TYR: variants seen among roughly 807,000 people sequenced by gnomAD.
TYR encodes the protein tyrosinase.
A neutral mutation model predicts 51.5 loss-of-function variants in TYR; 58 were observed. The observed-to-expected ratio is 1.13, with a 90% CI of 0.91 to 1.40. The LOEUF (loss-of-function observed/expected upper bound fraction) is 1.40. TYR is among the 40% of genes most tolerant of loss of function. The pLI is 0.00. For missense variants in TYR, 732 were observed against 647.4 expected, an observed-to-expected ratio of 1.13 and a Z score of -1.42; for synonymous variants, 263 against 235.2, an observed-to-expected ratio of 1.12 and a Z score of -1.08.
chr11:89,236,675 T>C (rs564879999), intron 3 of TYR, among the ~76,000 whole-genome samples: 8 of 152,198 alleles, frequency 5.3e-5, no homozygotes, highest in Non-Finnish European at 1.0e-4. Flanking sequence ...ATCAGACAGG[T>C]CTATTGACTG....
At chr11:89,282,736 A>G (rs1944733754) in intron 3 of TYR, among the ~76,000 whole-genome samples, 1 of 151,786 alleles carries the variant, frequency 6.6e-6, no homozygotes, top group Non-Finnish European at 1.5e-5. Flanking sequence ...ATCTTCTTAA[A>G]TCTTCTAATT....
rs1050399002 is a variant in TYR at position 89,184,803 on chromosome 11, G to A, written c.819+6031G>A. Reference sequence around the variant, plus strand: ...TTGAAGTTGCATCTACCTGTATTACGGAGCCCAATTTTTTCTCTACCACAC... The same window carrying A: ...TTGAAGTTGCATCTACCTGTATTACAGAGCCCAATTTTTTCTCTACCACAC... On this transcript the variant is annotated intron_variant, in intron 1 of 4. Transcript: ENST00000263321. 5.3e-5 allele frequency among the ~76,000 whole-genome samples: 8 copies of A among 152,140 alleles called. No individual in the cohort carries two copies. In the East Asian group the frequency reaches 9.7e-4, roughly 18 times the overall value.
At chr11:89,192,807 A>G (rs760449737) in intron 2 of TYR, among the ~76,000 whole-genome samples, 2 of 152,154 alleles carry the variant, frequency 1.3e-5, no homozygotes, top group African/African-American at 2.4e-5. Flanking sequence ...TCTAATAACT[A>G]TCCCCTGAGG....
chr11:89,222,427 A>G (rs1943923849), intron 2 of TYR, among the ~76,000 whole-genome samples: 2 of 152,256 alleles, frequency 1.3e-5, no homozygotes, highest in Admixed American at 1.3e-4. Context: ...AGCAAAAGAG[A>G]TCAACTAGTT....
chr11:89,241,593 G>A (rs1944194649), intron 3 of TYR, among the ~76,000 whole-genome samples: 1 of 151,496 alleles, frequency 6.6e-6, no homozygotes, highest in Non-Finnish European at 1.5e-5. Flanking sequence ...CACTATACTA[G>A]GCAATAGGTT....
chr11:89,238,765 C>A (rs759858129), intron 3 of TYR, among the ~76,000 whole-genome samples: 15 of 152,106 alleles, frequency 9.9e-5, no homozygotes, highest in Admixed American at 2.0e-4. Flanking sequence ...TACGTTCCAT[C>A]TATACCTAAT....
intron 2 of TYR, among the ~76,000 whole-genome samples, chr11:89,208,632 T>A (rs1047186480): frequency 6.6e-6 from 1 of 152,220 alleles, no homozygotes; most frequent in Admixed American, 6.5e-5. Flanking sequence ...GCTCAGTGAG[T>A]ATGCAATTCA....
Position 89,295,166 on chromosome 11 carries a change from A to G in TYR, c.1390A>G (p.Ile464Val), listed in dbSNP as rs773037398. The G allele has an allele frequency of 1.2e-6, 2 of 1,613,968 alleles. No individual in the cohort carries two copies. The highest frequency in any genetic ancestry group is 2.2e-5 in the East Asian group (1 of 44,874). The stretch of plus-strand genomic sequence containing the variant: ...AGACCCAGACTCTTTTCAAGACTAC[A>G]TTAAGTCCTATTTGGAACAAGCGAG... ...DSDPDSFQDYIKSYLEQASRI... is the reference protein window; with the variant it reads ...DSDPDSFQDYVKSYLEQASRI... Residue 464 changes from isoleucine to valine, a missense_variant, in exon 5 of 5, where the codon ATT becomes GTT. Coordinates refer to ENST00000263321, the MANE Select transcript of TYR (RefSeq NM_000372.5).
intron 1 of TYR, among the ~76,000 whole-genome samples, chr11:89,190,795 TA>T (rs1051166525): frequency 4.6e-5 from 7 of 152,000 alleles, no homozygotes; most frequent in South Asian, 2.1e-4. Flanking sequence ...GTATGCCATT[TA>T]AAAAAAAATT....
At chr11:89,200,523 T>A in intron 2 of TYR, 1 of 150,844 alleles carries the variant, frequency 6.6e-6, no homozygotes, top group East Asian at 1.9e-4. Flanking sequence ...TGCCAGCTTT[T>A]ATTTATGTGG....
chr11:89,211,739 C>G (rs1244846016), intron 2 of TYR, among the ~76,000 whole-genome samples: 1 of 152,158 alleles, frequency 6.6e-6, no homozygotes, highest in East Asian at 1.9e-4. Context: ...AGAATCACAA[C>G]AAACTGTCTC....
rs190526429 is a variant in TYR at position 89,268,202 on chromosome 11, G to T, written c.1185-16571G>T. Among the ~76,000 whole-genome samples, 6 of 151,926 alleles carry T rather than the reference G, an allele frequency of 3.9e-5. No homozygotes were observed. In the East Asian group the frequency reaches 9.8e-4, roughly 25 times the overall value. On this transcript the variant is annotated intron_variant, in intron 3 of 4. Coordinates refer to ENST00000263321, the MANE Select transcript of TYR (RefSeq NM_000372.5). ...GAGGTTCAAACGAGTTCCTGTATGT[G>T]AAGTACTTTGAATAATACCTGGCAT...
At chr11:89,250,682 C>T (rs1371634884) in intron 3 of TYR, among the ~76,000 whole-genome samples, 1 of 151,848 alleles carries the variant, frequency 6.6e-6, no homozygotes, top group Non-Finnish European at 1.5e-5. Flanking sequence ...ATAGGGTCTT[C>T]CCTGTCTGTG....
chr11:89,237,726 A>G (rs1034364092), intron 3 of TYR, among the ~76,000 whole-genome samples: 20 of 152,214 alleles, frequency 1.3e-4, no homozygotes, highest in African/African-American at 4.1e-4. Flanking sequence ...TGTGAAAAAC[A>G]TCATTAGAAT....
chr11:89,282,625 G>T (rs1459134924), intron 3 of TYR, among the ~76,000 whole-genome samples: 1 of 151,678 alleles, frequency 6.6e-6, no homozygotes, highest in Non-Finnish European at 1.5e-5. Flanking sequence ...AAAACAAAAG[G>T]ACTAGTTTAT....
At chr11:89,179,857 G>T (rs1458258196) in intron 1 of TYR, among the ~76,000 whole-genome samples, 1 of 152,182 alleles carries the variant, frequency 6.6e-6, no homozygotes, top group Non-Finnish European at 1.5e-5. Flanking sequence ...AAAACCATAT[G>T]TTAAAGGAAT....
In TYR at chr11:89,286,967, T is replaced by C. The variant is rs553938363; in HGVS notation, c.1366+2013T>C. On this transcript the variant is annotated intron_variant, in intron 4 of 4. Coordinates refer to ENST00000263321, the MANE Select transcript of TYR (RefSeq NM_000372.5). ...ATTTCCAAAACACGCTAGACTTTCATGGGTTCATGCTTTTAAATATGCTAT... is the reference window on the plus strand; with the variant it reads ...ATTTCCAAAACACGCTAGACTTTCACGGGTTCATGCTTTTAAATATGCTAT... Among the ~76,000 whole-genome samples the C allele has an allele frequency of 1.6e-4, 24 of 152,012 alleles. 1 individual carries two copies. The East Asian group carries it at 3.3e-3, about 21-fold the overall frequency.
chr11:89,216,534 T>C (rs1224729821), intron 2 of TYR, among the ~76,000 whole-genome samples: 1 of 150,822 alleles, frequency 6.6e-6, no homozygotes, highest in Non-Finnish European at 1.5e-5. Context: ...ACCCCTGTAG[T>C]CTCAGCTACT....
At chr11:89,263,359 T>C (rs527736593) in intron 3 of TYR, among the ~76,000 whole-genome samples, 3 of 151,906 alleles carry the variant, frequency 2.0e-5, no homozygotes, top group African/African-American at 4.8e-5. Context: ...CTCATTTTGA[T>C]AAATAACACC....
Sources: gnomAD v4.1 joint callset for allele counts (sites outside exome capture counted in the v4.1 genomes callset) on GRCh38, gnomAD v4.1.1 for gene constraint, MANE v1.5 for transcripts, NCBI Gene and HGNC (gene_info 2026-07-23, HGNC 2026-07-21) for gene names.